The following PEPD variants were observed in gnomAD, a reference collection of about 807,000 sequenced individuals.
The protein encoded by PEPD is xaa-Pro dipeptidase.
PEPD carries 53 observed loss-of-function variants against 60.7 expected under a neutral mutation model. The observed-to-expected ratio is 0.87, with a 90% confidence interval of 0.70 to 1.10. The LOEUF (loss-of-function observed/expected upper bound fraction) is 1.10. PEPD is among the 50% of genes least tolerant of loss of function. The probability of loss-of-function intolerance (pLI) is 0.00; values close to 1 mark genes in which losing one functional copy is unlikely to be tolerated. For missense variants in PEPD, 711 were observed against 711.9 expected (o/e 1.00, Z 0.01); for synonymous variants, 267 against 284.1 (o/e 0.94, Z 0.60).
chr19:33,400,147 T>A (rs1008204226), intron 12 of PEPD, among the ~76,000 whole-genome samples: 7 of 151,830 alleles, frequency 4.6e-5, no homozygotes, highest in Admixed American at 1.3e-4. Context: ...TCTCTGGAGG[T>A]CTGTATAGCT....
intron 9 of PEPD, among the ~76,000 whole-genome samples, chr19:33,453,491 C>T (rs780320417): frequency 6.6e-5 from 10 of 152,218 alleles, no homozygotes; most frequent in Non-Finnish European, 1.5e-4. Context: ...AGCAAGCCTA[C>T]TGGTGCCATT....
intron 6 of PEPD, among the ~76,000 whole-genome samples, chr19:33,481,137 AAG>A (rs1970307067): frequency 6.6e-6 from 1 of 152,246 alleles, no homozygotes; most frequent in Non-Finnish European, 1.5e-5. Flanking sequence ...AGGAATGAAA[AAG>A]GGGGAAATTA....
rs935730824 is a variant in PEPD at position 33,493,208 on chromosome 19, C to T, written c.441+82G>A. On this transcript the variant is annotated intron_variant, in intron 5 of 14. Transcript: ENST00000244137. ...GTTTTTTAATCCTCCCCTATGGGCC[C>T]GACCTCTGCAGGAGAGGTGGCCCCC... The T allele has an allele frequency of 9.5e-5, 94 of 991,370 alleles. 1 individual carries two copies. Among genetic ancestry groups the T allele is most frequent in the Non-Finnish European group, 1.5e-4 (92 of 624,574 alleles). 61.4% of individuals were successfully genotyped at this position (991,370 alleles called of 1,614,324 possible). A position where few individuals can be genotyped will look rare whatever the true frequency, so the allele number is the denominator to read the frequency against.
chr19:33,414,500 C>T (rs904027911), intron 9 of PEPD, among the ~76,000 whole-genome samples: 1 of 152,174 alleles, frequency 6.6e-6, no homozygotes, highest in Non-Finnish European at 1.5e-5. Flanking sequence ...GCTGCCCTCA[C>T]CCCCTCCCTG....
chr19:33,390,274 G>A (rs975348909), intron 13 of PEPD, among the ~76,000 whole-genome samples: 2 of 152,202 alleles, frequency 1.3e-5, no homozygotes, highest in South Asian at 2.1e-4. Context: ...AATGAATAAC[G>A]AACCTCAGCT....
chr19:33,437,172 A>T (rs933644355), intron 9 of PEPD, among the ~76,000 whole-genome samples: 5 of 152,134 alleles, frequency 3.3e-5, no homozygotes, highest in Admixed American at 2.6e-4. Flanking sequence ...CGGCCCTCGG[A>T]AAAGCTGTGT....
At chr19:33,499,652 G>C (rs533179582) in intron 4 of PEPD, among the ~76,000 whole-genome samples, 66 of 152,346 alleles carry the variant, frequency 4.3e-4, no homozygotes, top group African/African-American at 1.6e-3. Flanking sequence ...GCTCAGGGAA[G>C]GGGCACCAGT....
rs374409428 is a variant in PEPD, at chr19:33,494,927, G to A, written c.394-1590C>T. 3.2e-4 allele frequency among the ~76,000 whole-genome samples: 48 copies of A among 152,282 alleles called. 2 individuals carry two copies. The South Asian group carries it at 9.7e-3, about 31-fold the overall frequency. The stretch of plus-strand genomic sequence containing the variant: ...GGGCAGGCAGATCACGAGGTCAGGA[G>A]ATCGAGACCATCCTGGCTAAAACAG... On this transcript the variant is annotated intron_variant, in intron 4 of 14. Transcript: ENST00000244137.
chr19:33,414,381 C>T lies in PEPD; in HGVS notation c.672-738G>A, dbSNP rs535643630. ...TGCACCGGGGAGGCCTCTAGGATGG[C>T]GGATGGTAGCACAGTCACTGCATGG... On this transcript the variant is annotated intron_variant, in intron 9 of 14. Coordinates refer to ENST00000244137, the MANE Select transcript of PEPD (RefSeq NM_000285.4). 9.8e-5 allele frequency among the ~76,000 whole-genome samples: 15 copies of T among 152,324 alleles called. No individual in the cohort carries two copies. The South Asian group carries it at 1.2e-3, about 13-fold the overall frequency.
intron 9 of PEPD, among the ~76,000 whole-genome samples, chr19:33,445,669 A>G (rs1969579977): frequency 6.6e-6 from 1 of 152,182 alleles, no homozygotes; most frequent in African/African-American, 2.4e-5. Context: ...TTAGGCCACC[A>G]AGGCTGTGGT....
chr19:33,464,263 GCTGCTGCCCAC>G (rs1228895783), intron 7 of PEPD, among the ~76,000 whole-genome samples: 2 of 152,212 alleles, frequency 1.3e-5, no homozygotes, highest in Non-Finnish European at 2.9e-5. Context: ...AGGGAGCAGA[GCTGCTGCCCAC>G]CTTCCCTAAC....
At chr19:33,406,322 A>G (rs1000121256) in intron 11 of PEPD, among the ~76,000 whole-genome samples, 4 of 152,204 alleles carry the variant, frequency 2.6e-5, no homozygotes, top group African/African-American at 9.6e-5. Context: ...GACAAACCGA[A>G]AACGCGTGGG....
intron 3 of PEPD, among the ~76,000 whole-genome samples, chr19:33,502,663 C>T (rs549717521): frequency 3.3e-5 from 5 of 152,036 alleles, no homozygotes; most frequent in African/African-American, 9.7e-5. Flanking sequence ...CTTTCCACAA[C>T]CAATCAGACT....
At chr19:33,436,448 C>T (rs571920978) in intron 9 of PEPD, among the ~76,000 whole-genome samples, 1 of 152,302 alleles carries the variant, frequency 6.6e-6, no homozygotes, top group East Asian at 1.9e-4. Context: ...CTGAGGGCTC[C>T]AGTCCTGCCT....
intron 7 of PEPD, among the ~76,000 whole-genome samples, chr19:33,475,389 G>A (rs1433534309): frequency 6.6e-6 from 1 of 151,822 alleles, no homozygotes; most frequent in African/African-American, 2.4e-5. Flanking sequence ...GTGCCCCAGG[G>A]AGTGTGATGA....
intron 11 of PEPD, among the ~76,000 whole-genome samples, chr19:33,410,151 TGGC>T (rs1200708939): frequency 1.3e-5 from 2 of 152,148 alleles, no homozygotes; most frequent in Admixed American, 6.5e-5. Context: ...GCGCAGTGGG[TGGC>T]GGTTCCACTG....
intron 4 of PEPD, among the ~76,000 whole-genome samples, chr19:33,497,068 C>A (rs1415429391): frequency 6.6e-6 from 1 of 152,254 alleles, no homozygotes; most frequent in Non-Finnish European, 1.5e-5. Context: ...TGGTGGCCTG[C>A]ACTGCTTTTA....
At chr19:33,444,694 C>A (rs1263509996) in intron 9 of PEPD, among the ~76,000 whole-genome samples, 1 of 151,696 alleles carries the variant, frequency 6.6e-6, no homozygotes, top group Admixed American at 6.6e-5. Context: ...CCACTCACCC[C>A]CCAAAGCCAA....
intron 9 of PEPD, among the ~76,000 whole-genome samples, chr19:33,422,755 A>G (rs1969049526): frequency 6.7e-6 from 1 of 149,292 alleles, no homozygotes; most frequent in Admixed American, 6.7e-5. Flanking sequence ...ATTTCTGTCA[A>G]CCTACCTACT....
Sources: allele counts gnomAD v4.1 joint callset (sites outside exome capture counted in the v4.1 genomes callset), GRCh38; gene constraint gnomAD v4.1.1; transcripts MANE v1.5; gene names NCBI Gene and HGNC (gene_info 2026-07-23, HGNC 2026-07-21).